The following CHRM5 variants were observed in gnomAD, a reference collection of about 807,000 sequenced individuals.
The protein encoded by CHRM5 is cholinergic receptor muscarinic 5, also known as muscarinic acetylcholine receptor M5.
A neutral mutation model predicts 39.0 loss-of-function variants in CHRM5; 18 were observed. That is an observed-to-expected ratio of 0.46 (90% confidence interval 0.32 to 0.68). CHRM5 has a LOEUF of 0.68. CHRM5 is among the 30% of genes least tolerant of loss of function. CHRM5 has a pLI of 0.04. For synonymous variants in CHRM5, 241 were observed against 246.3 expected, an observed-to-expected ratio of 0.98 and a Z score of 0.20; for missense variants, 515 against 651.1, an observed-to-expected ratio of 0.79 and a Z score of 2.28.
chr15:34,034,757 G>A lies in CHRM5; in HGVS notation c.-407-11783G>A, dbSNP rs574613588. 2.0e-5 allele frequency among the ~76,000 whole-genome samples: 3 copies of A among 152,324 alleles called. No homozygotes were observed. In the East Asian group the frequency reaches 5.8e-4, roughly 29 times the overall value. On this transcript the variant is annotated intron_variant, in intron 1 of 2. Coordinates refer to ENST00000383263, the MANE Select transcript of CHRM5 (RefSeq NM_012125.4). The stretch of plus-strand genomic sequence containing the variant: ...ATAAGGATGCCAAAATAATTACAGT[G>A]TGTGTGCAATGGTTTGCAGCAGGAG...
At chr15:34,011,398 T>G (rs1286392495) in intron 1 of CHRM5, among the ~76,000 whole-genome samples, 1 of 152,218 alleles carries the variant, frequency 6.6e-6, no homozygotes, top group Non-Finnish European at 1.5e-5. Flanking sequence ...TGCATGATCA[T>G]ATTTGAAAAA....
At chr15:34,005,968 GATATA>G (rs1478686679) in intron 1 of CHRM5, among the ~76,000 whole-genome samples, 1 of 152,142 alleles carries the variant, frequency 6.6e-6, no homozygotes, top group African/African-American at 2.4e-5. Context: ...AGATTAAAGA[GATATA>G]ATAGAATCTG....
intron 1 of CHRM5, among the ~76,000 whole-genome samples, chr15:34,000,994 G>C (rs902031509): frequency 4.0e-5 from 6 of 151,048 alleles, no homozygotes; most frequent in Admixed American, 3.9e-4. Context: ...TAAACCAGAG[G>C]ACAGGCCTGC....
At chr15:34,043,788 G>A (rs1256189376) in intron 1 of CHRM5, among the ~76,000 whole-genome samples, 3 of 152,082 alleles carry the variant, frequency 2.0e-5, no homozygotes, top group Admixed American at 2.0e-4. Context: ...TGCTGACTTT[G>A]CTTTCTATTT....
intron 1 of CHRM5, among the ~76,000 whole-genome samples, chr15:34,040,465 C>T (rs1334910564): frequency 6.6e-6 from 1 of 152,192 alleles, no homozygotes; most frequent in Admixed American, 6.5e-5. Context: ...TCCAGAGAAA[C>T]AGTCTTAAAA....
chr15:33,996,662 T>A (rs1336169707), intron 1 of CHRM5, among the ~76,000 whole-genome samples: 1 of 152,002 alleles, frequency 6.6e-6, no homozygotes. Flanking sequence ...AGCATCAACA[T>A]CAACAAAAAG....
chr15:34,058,680 G>A (rs527266626), intron 2 of CHRM5, among the ~76,000 whole-genome samples: 1 of 151,590 alleles, frequency 6.6e-6, no homozygotes, highest in South Asian at 2.1e-4. Flanking sequence ...CTTTGCTTCT[G>A]CTTTCTTCAG....
intron 2 of CHRM5, among the ~76,000 whole-genome samples, chr15:34,062,415 C>T (rs1340182975): frequency 1.3e-5 from 2 of 151,860 alleles, no homozygotes; most frequent in East Asian, 3.9e-4. Flanking sequence ...AATAGCTGGG[C>T]GTGGTGGTGG....
At chr15:34,038,469 T>C (rs557410126) in intron 1 of CHRM5, among the ~76,000 whole-genome samples, 79 of 152,200 alleles carry the variant, frequency 5.2e-4, no homozygotes, top group African/African-American at 1.2e-3. Flanking sequence ...CCGCCGAGAC[T>C]TGCAGCCCTG....
At chr15:33,995,207 T>C (rs1245712821) in intron 1 of CHRM5, among the ~76,000 whole-genome samples, 1 of 152,066 alleles carries the variant, frequency 6.6e-6, no homozygotes. Flanking sequence ...AAGGCTGCAG[T>C]GAGCTATGAT....
chr15:33,984,080 T>C (rs1197509595), intron 1 of CHRM5, among the ~76,000 whole-genome samples: 1 of 152,044 alleles, frequency 6.6e-6, no homozygotes, highest in Non-Finnish European at 1.5e-5. Flanking sequence ...TGTGGTATCC[T>C]GAGTTAGAAG....
intron 1 of CHRM5, chr15:34,039,201 CAGCGG>C (rs1166111761): frequency 2.4e-5 from 15 of 615,196 alleles, no homozygotes; most frequent in Middle Eastern, 1.6e-3. Context: ...AGGCCGGCCG[CAGCGG>C]AGCGGGGCGG....
At chr15:34,044,236 C>T (rs1476019206) in intron 1 of CHRM5, among the ~76,000 whole-genome samples, 7 of 152,170 alleles carry the variant, frequency 4.6e-5, no homozygotes, top group Non-Finnish European at 2.9e-5. Context: ...GCTATTTTAT[C>T]CACTCCTCAA....
At chr15:34,043,133 G>C (rs1414076671) in intron 1 of CHRM5, among the ~76,000 whole-genome samples, 1 of 151,812 alleles carries the variant, frequency 6.6e-6, no homozygotes, top group Non-Finnish European at 1.5e-5. Flanking sequence ...TGTAGTCCCA[G>C]CTACTTGGGA....
At chr15:34,040,256 C>G (rs1180040628) in intron 1 of CHRM5, among the ~76,000 whole-genome samples, 2 of 151,988 alleles carry the variant, frequency 1.3e-5, no homozygotes, top group Non-Finnish European at 2.9e-5. Flanking sequence ...ATTACAGTAC[C>G]GTGTTGCTGA....
chr15:33,992,316 G>C (rs916139933), intron 1 of CHRM5, among the ~76,000 whole-genome samples: 2 of 152,184 alleles, frequency 1.3e-5, no homozygotes, highest in East Asian at 1.9e-4. Context: ...CGTCAGCCCG[G>C]GGGGCGGAGC....
intron 2 of CHRM5, among the ~76,000 whole-genome samples, chr15:34,056,670 G>C (rs1489531077): frequency 6.6e-6 from 1 of 152,154 alleles, no homozygotes; most frequent in African/African-American, 2.4e-5. Flanking sequence ...CCTCAAGGTT[G>C]TTCTGCTTGA....
intron 1 of CHRM5, among the ~76,000 whole-genome samples, chr15:33,971,472 A>T (rs1007662804): frequency 1.4e-4 from 21 of 152,058 alleles, no homozygotes; most frequent in Non-Finnish European, 2.8e-4. Flanking sequence ...GATAAAATAA[A>T]AATGGCATCT....
intron 1 of CHRM5, among the ~76,000 whole-genome samples, chr15:34,014,954 G>C (rs1350251547): frequency 1.3e-5 from 2 of 152,090 alleles, no homozygotes; most frequent in Non-Finnish European, 2.9e-5. Flanking sequence ...AGGGGGTGAG[G>C]GGTGCCGGAT....
Sources: allele counts gnomAD v4.1 joint callset (sites outside exome capture counted in the v4.1 genomes callset), GRCh38; gene constraint gnomAD v4.1.1; transcripts MANE v1.5; gene names NCBI Gene and HGNC (gene_info 2026-07-23, HGNC 2026-07-21).